Variants in NSD1 observed in about 807,000 individuals in gnomAD.
The protein encoded by NSD1 is nuclear receptor binding SET domain protein 1, also known as histone-lysine N-methyltransferase, H3 lysine-36 specific.
A neutral mutation model predicts 242.7 loss-of-function variants in NSD1; 26 were observed. The ratio of observed to expected loss-of-function variants is 0.11; its 90% CI spans 0.08 to 0.15. The LOEUF (loss-of-function observed/expected upper bound fraction) is 0.15, where lower values mean the gene tolerates loss of function less well. Ranked by LOEUF, NSD1 falls within the 10% of genes least tolerant of loss-of-function variation. The pLI, the probability that NSD1 is intolerant of heterozygous loss-of-function variation, is 1.00. For missense variants in NSD1, 2,495 were observed against 3,272.8 expected (o/e 0.76, Z 5.80); for synonymous variants, 1,106 against 1,178.1 (o/e 0.94, Z 1.25).
intron 2 of NSD1, among the ~76,000 whole-genome samples, chr5:177,150,120 T>C (rs1437560929): frequency 1.3e-5 from 2 of 151,604 alleles, no homozygotes; most frequent in African/African-American, 4.8e-5. Context: ...ATATTTGTAT[T>C]TTTTAATTTT....
intron 5 of NSD1, among the ~76,000 whole-genome samples, chr5:177,221,494 C>T (rs1247721549): frequency 6.6e-6 from 1 of 151,458 alleles, no homozygotes; most frequent in Non-Finnish European, 1.5e-5. Context: ...TTTTTCAAGG[C>T]GGAGTCTTGC....
At chr5:177,188,788 C>T (rs901169544) in intron 2 of NSD1, among the ~76,000 whole-genome samples, 1 of 151,836 alleles carries the variant, frequency 6.6e-6, no homozygotes, top group African/African-American at 2.4e-5. Context: ...GCCACCACGG[C>T]TCCTAGCATA....
At chr5:177,268,573 G>A (rs778155220) in intron 15 of NSD1, among the ~76,000 whole-genome samples, 5 of 152,258 alleles carry the variant, frequency 3.3e-5, no homozygotes, top group Admixed American at 2.6e-4. Context: ...ACCTGTGTAT[G>A]TACCTCCCAC....
At chr5:177,265,586 T>C in intron 14 of NSD1, 1 of 1,274,390 alleles carries the variant, frequency 7.8e-7, no homozygotes, top group Non-Finnish European at 1.1e-6. Flanking sequence ...CATCCTGTAG[T>C]CTGTGGAGCA....
chr5:177,176,784 G>A (rs914328264), intron 2 of NSD1, among the ~76,000 whole-genome samples: 6 of 152,110 alleles, frequency 3.9e-5, no homozygotes, highest in Admixed American at 6.6e-5. Flanking sequence ...TTTATATTTT[G>A]CCAAAAAGCC....
intron 5 of NSD1, among the ~76,000 whole-genome samples, chr5:177,226,777 T>G (rs1025359023): frequency 6.6e-6 from 1 of 152,154 alleles, no homozygotes; most frequent in Non-Finnish European, 1.5e-5. Context: ...CACCCCCTTT[T>G]CCAAGTCTGT....
At position 177,269,824 on chromosome 5, in the gene NSD1, TG is replaced by T; in HGVS notation, c.5509+18del. ...ATAAAAAAGGTAACTTTATCCTTTT[TG>T]TTTCTCAGGCAAACACAGACCTCTG... On this transcript the variant is annotated intron_variant, in intron 16 of 22. Coordinates refer to ENST00000439151, the MANE Select transcript of NSD1 (RefSeq NM_022455.5). This position sits in a 1 kb window ranked among gnomAD's most constrained non-coding sequence, Gnocchi z 5.1. The T allele has an allele frequency of 6.2e-7, 1 of 1,601,788 alleles. No individual in the cohort carries two copies. Among genetic ancestry groups the T allele is most frequent in the Non-Finnish European group, 8.5e-7 (1 of 1,171,570 alleles).
chr5:177,217,299 G>A (rs1763851136), intron 5 of NSD1, among the ~76,000 whole-genome samples: 1 of 151,630 alleles, frequency 6.6e-6, no homozygotes, highest in African/African-American at 2.4e-5. Flanking sequence ...CTTTTATATT[G>A]TTCATTATGA....
At chr5:177,159,293 G>A (rs1338405087) in intron 2 of NSD1, among the ~76,000 whole-genome samples, 1 of 148,010 alleles carries the variant, frequency 6.8e-6, no homozygotes, top group East Asian at 2.0e-4. Flanking sequence ...TTGTTTGTTT[G>A]TTTGTTTTTG....
In NSD1 at chr5:177,246,739, G is replaced by C; in HGVS notation, c.4440G>C (p.Lys1480Asn). 2 of 1,614,132 alleles carry C rather than the reference G, an allele frequency of 1.2e-6. No homozygotes were observed. ...KRKRQRHAAA[K>N]MQCKKVKNDD... The stretch of plus-strand genomic sequence containing the variant: ...AACGACAGAGGCATGCTGCAGCCAA[G>C]ATGCAGTGTAAAAAAGTGAAAAATG... Residue 1480 changes from lysine (K) to asparagine (N), a missense_variant, in exon 10 of 23, where the codon AAG becomes AAC. Physicochemically the swap from Lys to Asn is moderately conservative, Grantham distance 94 (BLOSUM62 0). Coordinates refer to ENST00000439151, the MANE Select transcript of NSD1 (RefSeq NM_022455.5).
At chr5:177,264,123 C>T (rs1367801396) in intron 14 of NSD1, among the ~76,000 whole-genome samples, 1 of 147,144 alleles carries the variant, frequency 6.8e-6, no homozygotes, top group African/African-American at 2.5e-5. Flanking sequence ...GCAACCCCCA[C>T]CTCCCGGGTT....
rs1562211424 is a variant in NSD1 at position 177,211,480 on chromosome 5, A to T, written c.3081A>T (p.Ser1027=). 1 of 1,614,030 alleles carries T rather than the reference A, an allele frequency of 6.2e-7. No individual in the cohort carries two copies. The highest frequency in any genetic ancestry group is 1.3e-5 in the African/African-American group (1 of 74,914). The stretch of plus-strand genomic sequence containing the variant: ...GCAACTGTGGACGATCAAAGCCTTC[A>T]TCCAAATTGCGAGATGCTTTTTCAG... ...TRRNCGRSKP[S]SKLRDAFSAQ... Residue 1027 remains serine (S), a synonymous_variant, in exon 5 of 23, where the codon TCA becomes TCT. Transcript: ENST00000439151.
At chr5:177,171,470 T>A (rs947273587) in intron 2 of NSD1, among the ~76,000 whole-genome samples, 2 of 152,214 alleles carry the variant, frequency 1.3e-5, no homozygotes, top group African/African-American at 4.8e-5. Context: ...ACTGTTTTTT[T>A]CTATTAGCAT....
At chr5:177,152,070 C>A (rs973017341) in intron 2 of NSD1, among the ~76,000 whole-genome samples, 1 of 151,894 alleles carries the variant, frequency 6.6e-6, no homozygotes, top group Non-Finnish European at 1.5e-5. Flanking sequence ...CCATGTTAGC[C>A]AGGATAGTCT....
At chr5:177,145,908 CAAAA>C (rs35091295) in intron 2 of NSD1, among the ~76,000 whole-genome samples, 2 of 119,764 alleles carry the variant, frequency 1.7e-5, no homozygotes, top group African/African-American at 3.2e-5. Flanking sequence ...AACTCCATCT[CAAAA>C]AAAAAAAAAA....
At chr5:177,163,316 T>C (rs1758912781) in intron 2 of NSD1, among the ~76,000 whole-genome samples, 1 of 152,058 alleles carries the variant, frequency 6.6e-6, no homozygotes, top group African/African-American at 2.4e-5. Flanking sequence ...CTAATTTTTG[T>C]ATTTTTAGTA....
At chr5:177,207,917 T>TGTGTGC (rs1248984961) in intron 4 of NSD1, among the ~76,000 whole-genome samples, 2 of 151,146 alleles carry the variant, frequency 1.3e-5, no homozygotes, top group Non-Finnish European at 3.0e-5. Flanking sequence ...TGTGTGTGTG[T>TGTGTGC]GTGTGCGTGT....
Position 177,267,670 on chromosome 5 carries a change from A to G in NSD1, c.5255A>G (p.Lys1752Arg), listed in dbSNP as rs754939355. 4 of 1,614,134 alleles carry G rather than the reference A, an allele frequency of 2.5e-6. No individual in the cohort carries two copies. Among genetic ancestry groups the G allele is most frequent in the South Asian group, 1.1e-5 (1 of 91,080 alleles). Residue 1752 changes from lysine (K) to arginine (R), a missense_variant, in exon 15 of 23, where the codon AAA (lysine) becomes AGA (arginine). Coordinates refer to ENST00000439151, the MANE Select transcript of NSD1 (RefSeq NM_022455.5). ...TATTGCAATGACTGTAAAGCAGGCA[A>G]AAAGCCACACTACAGGGAGATTGTC... ...NWYCNDCKAG[K>R]KPHYREIVWV...
At chr5:177,144,349 C>T (rs1017686775) in intron 2 of NSD1, among the ~76,000 whole-genome samples, 7 of 150,640 alleles carry the variant, frequency 4.6e-5, no homozygotes, top group African/African-American at 9.8e-5. Context: ...ATTGGGATTA[C>T]GGGAATGAGC....
Sources: allele counts gnomAD v4.1 joint callset (sites outside exome capture counted in the v4.1 genomes callset), GRCh38; gene constraint gnomAD v4.1.1; non-coding constraint Gnocchi (gnomAD v3.1); transcripts MANE v1.5; gene names NCBI Gene and HGNC (gene_info 2026-07-23, HGNC 2026-07-21).